RPS6KC1: variants seen among roughly 807,000 people sequenced by gnomAD.
The protein encoded by RPS6KC1 is ribosomal protein S6 kinase C1.
In RPS6KC1, 54 loss-of-function variants were observed where a neutral mutation model predicts 103.8. The observed-to-expected ratio is 0.52, with a 90% CI of 0.42 to 0.65. The LOEUF is 0.65. Among genes scored for constraint, RPS6KC1 ranks in the 30% least tolerant of loss-of-function variants. RPS6KC1 has a pLI of 0.00. For synonymous variants in RPS6KC1, 439 were observed against 438.7 expected (o/e 1.00, Z -0.01); for missense variants, 1,151 against 1,253.8 (o/e 0.92, Z 1.24).
chr1:213,444,402 A>C, the RPS6KC1 span, among the ~76,000 whole-genome samples: 31 of 152,302 alleles, frequency 2.0e-4, no homozygotes, highest in African/African-American at 7.2e-4. Context: ...GAGCGGCCCC[A>C]GTTAAGCTGG....
At chr1:213,850,956 A>G in the RPS6KC1 span, among the ~76,000 whole-genome samples, 1 of 152,248 alleles carries the variant, frequency 6.6e-6, no homozygotes, top group East Asian at 1.9e-4. Flanking sequence ...CCCTCAAGGA[A>G]GTGAGTAGGT....
At chr1:213,493,481 G>T in the RPS6KC1 span, among the ~76,000 whole-genome samples, 38,226 of 152,080 alleles carry the variant, frequency 0.25, 5,431 homozygotes, top group Middle Eastern at 0.39. Flanking sequence ...GAAGTGAAGC[G>T]ATACTGACCA....
chr1:213,161,741 T>G (rs1379300478), intron 6 of RPS6KC1, among the ~76,000 whole-genome samples: 1 of 152,238 alleles, frequency 6.6e-6, no homozygotes, highest in Non-Finnish European at 1.5e-5. Context: ...AATTTAATTT[T>G]TATGGTAGAG....
At position 213,104,501 on chromosome 1, in the gene RPS6KC1, G is replaced by T. The variant is rs2082292946; in HGVS notation, c.310G>T (p.Asp104Tyr). 1.2e-6 allele frequency: 2 copies of T among 1,612,686 alleles called. No homozygotes were observed. Among genetic ancestry groups the T allele is most frequent in the Non-Finnish European group, 1.7e-6 (2 of 1,179,166 alleles). Residue 104 changes from aspartate to tyrosine, a missense_variant, in exon 4 of 15, where the codon GAC (aspartate) becomes TAC (tyrosine). Asp to Tyr is a radical substitution (Grantham distance 160). Around this residue, in one of 3 missense-constraint regions of RPS6KC1, gnomAD observed 959 missense variants for 1,006.3 expected, o/e 0.95. Coordinates refer to ENST00000366960, the MANE Select transcript of RPS6KC1 (RefSeq NM_012424.6). ...VIEERRQCAEDLLQFSANIPA... is the reference protein window; with the variant it reads ...VIEERRQCAEYLLQFSANIPA... ...CGAAGAGAGAAGACAATGTGCTGAA[G>T]ACCTGCTACAGTTCTCTGCCAATAT...
chr1:213,506,577 G>A, the RPS6KC1 span, among the ~76,000 whole-genome samples: 1 of 152,192 alleles, frequency 6.6e-6, no homozygotes, highest in Non-Finnish European at 1.5e-5. Flanking sequence ...CCTATGACTT[G>A]TGCATGTGAG....
At chr1:213,463,548 A>C in the RPS6KC1 span, among the ~76,000 whole-genome samples, 8 of 152,188 alleles carry the variant, frequency 5.3e-5, no homozygotes, top group African/African-American at 1.9e-4. Context: ...ATTCACCAGG[A>C]TCTATCTACT....
chr1:213,476,313 T>A, the RPS6KC1 span, among the ~76,000 whole-genome samples: 2 of 152,122 alleles, frequency 1.3e-5, no homozygotes, highest in African/African-American at 4.8e-5. Flanking sequence ...GGATGAGAGA[T>A]CAAATCTGTC....
chr1:213,666,341 G>C, the RPS6KC1 span, among the ~76,000 whole-genome samples: 2 of 152,120 alleles, frequency 1.3e-5, no homozygotes, highest in African/African-American at 4.8e-5. Flanking sequence ...TCCTTAGCCA[G>C]CCAGAATTTC....
the RPS6KC1 span, among the ~76,000 whole-genome samples, chr1:213,697,459 G>C: frequency 4.6e-5 from 7 of 152,380 alleles, no homozygotes; most frequent in African/African-American, 1.7e-4. Context: ...CTGAAGAGAG[G>C]ACCAGAGAGG....
At chr1:213,090,242 C>T (rs2080839564) in intron 3 of RPS6KC1, among the ~76,000 whole-genome samples, 2 of 152,212 alleles carry the variant, frequency 1.3e-5, no homozygotes. Context: ...TCTAAACCTA[C>T]AGCCAGTATT....
At chr1:213,225,171 C>T (rs1558577042) in intron 8 of RPS6KC1, among the ~76,000 whole-genome samples, 1 of 152,168 alleles carries the variant, frequency 6.6e-6, no homozygotes, top group South Asian at 2.1e-4. Context: ...CAGCCCTGTA[C>T]GGCTCAGTTG....
chr1:213,475,687 CTGTT>C, the RPS6KC1 span, among the ~76,000 whole-genome samples: 1 of 152,166 alleles, frequency 6.6e-6, no homozygotes, highest in African/African-American at 2.4e-5. Context: ...CCATGGGTCA[CTGTT>C]TGAGCTTCCA....
the RPS6KC1 span, among the ~76,000 whole-genome samples, chr1:213,644,047 A>G: frequency 6.6e-6 from 1 of 152,072 alleles, no homozygotes; most frequent in African/African-American, 2.4e-5. Context: ...TTATATTCAT[A>G]AATAAGACTG....
the RPS6KC1 span, among the ~76,000 whole-genome samples, chr1:213,345,433 C>T: frequency 2.6e-5 from 4 of 152,110 alleles, no homozygotes; most frequent in Non-Finnish European, 5.9e-5. Flanking sequence ...TTGGGCTTAC[C>T]TGTTGTTATA....
At chr1:213,451,545 C>T in the RPS6KC1 span, among the ~76,000 whole-genome samples, 11 of 152,226 alleles carry the variant, frequency 7.2e-5, no homozygotes, top group African/African-American at 2.4e-4. Context: ...TAGGCTCCCA[C>T]ACAGTGGGTG....
chr1:213,840,542 G>A, the RPS6KC1 span: 3 of 152,174 alleles, frequency 2.0e-5, no homozygotes, highest in Admixed American at 1.3e-4. Flanking sequence ...CAGTATCAGA[G>A]GAAACTTGGA....
At chr1:213,382,623 A>C in the RPS6KC1 span, among the ~76,000 whole-genome samples, 2 of 141,832 alleles carry the variant, frequency 1.4e-5, no homozygotes, top group South Asian at 2.2e-4. Flanking sequence ...TTTTCCTCTC[A>C]CCTCTCCAGC....
the RPS6KC1 span, among the ~76,000 whole-genome samples, chr1:213,448,531 C>T: frequency 6.6e-6 from 1 of 152,084 alleles, no homozygotes; most frequent in Non-Finnish European, 1.5e-5. Flanking sequence ...CTGGGCGGGT[C>T]TTCGTAACAA....
chr1:213,227,354 G>T (rs1329061837), intron 8 of RPS6KC1, among the ~76,000 whole-genome samples: 1 of 152,214 alleles, frequency 6.6e-6, no homozygotes, highest in South Asian at 2.1e-4. Context: ...TACTGTGTGA[G>T]AACAGTGTGT....
Sources: allele counts gnomAD v4.1 joint callset (sites outside exome capture counted in the v4.1 genomes callset), GRCh38; gene constraint gnomAD v4.1.1; regional missense constraint gnomAD v4.1.1; transcripts MANE v1.5; gene names NCBI Gene and HGNC (gene_info 2026-07-23, HGNC 2026-07-21).